Variants in SH3GL2 observed in about 807,000 individuals in gnomAD.
The protein encoded by SH3GL2 is endophilin-A1.
Under a neutral mutation model 46.0 loss-of-function variants are expected in SH3GL2, and 24 were observed. The ratio of observed to expected loss-of-function variants is 0.52; its 90% CI spans 0.38 to 0.73. The LOEUF is 0.73. SH3GL2 is among the 30% of genes least tolerant of loss of function. The pLI, the probability that SH3GL2 is intolerant of heterozygous loss-of-function variation, is 0.00. For synonymous variants in SH3GL2, 196 were observed against 147.1 expected (o/e 1.33, Z -2.40); for missense variants, 413 against 424.2 (o/e 0.97, Z 0.23).
chr9:17,782,689 C>A (rs985545232), intron 3 of SH3GL2, among the ~76,000 whole-genome samples: 1 of 151,900 alleles, frequency 6.6e-6, no homozygotes, highest in East Asian at 1.9e-4. Flanking sequence ...GCACAGTGGG[C>A]GGTCATGGTA....
At chr9:17,665,171 G>A (rs1477437188) in intron 1 of SH3GL2, among the ~76,000 whole-genome samples, 1 of 152,012 alleles carries the variant, frequency 6.6e-6, no homozygotes, top group Non-Finnish European at 1.5e-5. Context: ...CTGTTTCAAC[G>A]CATACCTCCT....
chr9:17,722,762 T>C lies in SH3GL2; in HGVS notation c.46-24304T>C, dbSNP rs1434184577. 3.3e-5 allele frequency among the ~76,000 whole-genome samples: 5 copies of C among 152,248 alleles called. No homozygotes were observed. The East Asian group carries it at 9.7e-4, about 30-fold the overall frequency. On this transcript the variant is annotated intron_variant, in intron 1 of 8. Coordinates refer to ENST00000380607, the MANE Select transcript of SH3GL2 (RefSeq NM_003026.5). ...CTTATGCATACATTGTCACTTATTTTCTTCATAAATTAGCCATTTTCTTCT... is the reference window on the plus strand; with the variant it reads ...CTTATGCATACATTGTCACTTATTTCCTTCATAAATTAGCCATTTTCTTCT...
chr9:17,782,263 T>C (rs1413687850), intron 3 of SH3GL2, among the ~76,000 whole-genome samples: 2 of 152,120 alleles, frequency 1.3e-5, no homozygotes, highest in Non-Finnish European at 2.9e-5. Flanking sequence ...GGTGTAGGAC[T>C]CATGATTTAG....
At chr9:17,654,548 A>T (rs1417400937) in intron 1 of SH3GL2, among the ~76,000 whole-genome samples, 1 of 152,228 alleles carries the variant, frequency 6.6e-6, no homozygotes, top group African/African-American at 2.4e-5. Context: ...AGTCTGTGAA[A>T]GCGTAGATTA....
At chr9:17,686,884 A>C (rs959775935) in intron 1 of SH3GL2, among the ~76,000 whole-genome samples, 1 of 151,086 alleles carries the variant, frequency 6.6e-6, no homozygotes, top group Admixed American at 6.6e-5. Context: ...GCACATGTAT[A>C]CATATGTAAC....
intron 8 of SH3GL2, 80 bp downstream of exon 8, chr9:17,793,577 C>T: frequency 7.3e-7 from 1 of 1,374,318 alleles, no homozygotes; most frequent in Non-Finnish European, 1.0e-6. Context: ...TAGGAATAGT[C>T]CAATCTGGCT....
intron 1 of SH3GL2, among the ~76,000 whole-genome samples, chr9:17,732,948 T>G (rs1198095893): frequency 6.6e-6 from 1 of 152,088 alleles, no homozygotes; most frequent in Non-Finnish European, 1.5e-5. Context: ...GTTTCAGTCC[T>G]CTCTCTGTAA....
chr9:17,756,107 C>A (rs12376522), intron 2 of SH3GL2, among the ~76,000 whole-genome samples: 1 of 151,766 alleles, frequency 6.6e-6, no homozygotes. Flanking sequence ...CCATTGACAG[C>A]GTTTAAATGA....
At chr9:17,772,237 T>A (rs938591397) in intron 3 of SH3GL2, among the ~76,000 whole-genome samples, 16 of 152,204 alleles carry the variant, frequency 1.1e-4, no homozygotes, top group African/African-American at 2.9e-4. Context: ...TTATTTAGTG[T>A]GATTTGAGGA....
At chr9:17,729,915 T>G (rs1224326627) in intron 1 of SH3GL2, among the ~76,000 whole-genome samples, 1 of 152,190 alleles carries the variant, frequency 6.6e-6, no homozygotes, top group Non-Finnish European at 1.5e-5. Flanking sequence ...CTTTGTTGTT[T>G]TTGCTTAGGA....
At chr9:17,589,779 C>T (rs998835725) in intron 1 of SH3GL2, 3 of 152,304 alleles carry the variant, frequency 2.0e-5, no homozygotes, top group African/African-American at 7.2e-5. Flanking sequence ...ATTTGTGTAG[C>T]ACATTTGAAG....
intron 1 of SH3GL2, among the ~76,000 whole-genome samples, chr9:17,738,545 A>ATACATATATACATAT (rs1563833701): frequency 7.4e-5 from 8 of 107,396 alleles, no homozygotes; most frequent in East Asian, 2.5e-4. Flanking sequence ...TATATACATA[A>ATACATATATACATAT]GTGTGTGTGT....
At chr9:17,580,287 T>C (rs185523230) in intron 1 of SH3GL2, among the ~76,000 whole-genome samples, 2 of 152,372 alleles carry the variant, frequency 1.3e-5, no homozygotes, top group East Asian at 3.9e-4. Flanking sequence ...TAGTTTTTCA[T>C]AGGTTAGCCT....
chr9:17,759,914 C>T (rs1468037172), intron 2 of SH3GL2, among the ~76,000 whole-genome samples: 1 of 152,214 alleles, frequency 6.6e-6, no homozygotes, highest in Non-Finnish European at 1.5e-5. Flanking sequence ...ACTTCTATCA[C>T]ACATGTACCA....
chr9:17,758,561 C>CAAA (rs57019804), intron 2 of SH3GL2, among the ~76,000 whole-genome samples: 1,397 of 29,174 alleles, frequency 0.048, 353 homozygotes, highest in Non-Finnish European at 0.073. Flanking sequence ...GACCCTGTCT[C>CAAA]AAAAAAAAAA....
intron 1 of SH3GL2, among the ~76,000 whole-genome samples, chr9:17,734,787 A>G (rs1039775208): frequency 1.3e-5 from 2 of 152,110 alleles, no homozygotes; most frequent in African/African-American, 4.8e-5. Flanking sequence ...GTGGTTACCA[A>G]GGTTGGAATG....
chr9:17,640,516 T>C (rs893328668), intron 1 of SH3GL2, among the ~76,000 whole-genome samples: 2 of 152,174 alleles, frequency 1.3e-5, no homozygotes, highest in Admixed American at 6.5e-5. Flanking sequence ...CCAACAACGT[T>C]GGTATGATTC....
chr9:17,584,435 C>T (rs1347932482), intron 1 of SH3GL2, among the ~76,000 whole-genome samples: 2 of 152,028 alleles, frequency 1.3e-5, no homozygotes, highest in Non-Finnish European at 2.9e-5. Context: ...CCCAGGAGGC[C>T]GAGGTTGCAG....
chr9:17,743,745 G>A (rs919807757), intron 1 of SH3GL2, among the ~76,000 whole-genome samples: 1 of 152,204 alleles, frequency 6.6e-6, no homozygotes, highest in Admixed American at 6.5e-5. Flanking sequence ...GTGGATGGAT[G>A]CAAGAAGAGG....
Sources: gnomAD v4.1 joint callset for allele counts (sites outside exome capture counted in the v4.1 genomes callset) on GRCh38, gnomAD v4.1.1 for gene constraint, MANE v1.5 for transcripts, NCBI Gene and HGNC (gene_info 2026-07-23, HGNC 2026-07-21) for gene names.